IDE: variants seen among roughly 807,000 people sequenced by gnomAD.
The protein encoded by IDE is insulin degrading enzyme, also known as insulin-degrading enzyme.
IDE carries 58 observed loss-of-function variants against 133.2 expected under a neutral mutation model. That is an observed-to-expected ratio of 0.44 (90% CI 0.35 to 0.54). The LOEUF (loss-of-function observed/expected upper bound fraction) is 0.54. IDE is among the 20% of genes least tolerant of loss of function. IDE has a pLI of 0.00. For synonymous variants in IDE, 396 were observed against 421.3 expected (o/e 0.94, Z 0.73); for missense variants, 981 against 1,234.0 (o/e 0.79, Z 3.07).
chr10:92,529,465 T>C (rs1387551021), intron 4 of IDE, among the ~76,000 whole-genome samples: 2 of 152,246 alleles, frequency 1.3e-5, no homozygotes, highest in African/African-American at 4.8e-5. Flanking sequence ...CTTTGCTAAC[T>C]GCCTAGCTTT....
chr10:92,564,671 CAAAAAAAAAAAAAAAAAAAAAAAAAA>C, intron 1 of IDE, among the ~76,000 whole-genome samples: 1 of 31,586 alleles, frequency 3.2e-5, no homozygotes, highest in South Asian at 9.9e-4. Flanking sequence ...GAGACTGTCT[CAAAAAAAAAAAAAAAAAAAAAAAAAA>C]AAAAAAAAAA....
At chr10:92,530,359 A>G (rs1849858585) in intron 4 of IDE, among the ~76,000 whole-genome samples, 2 of 152,004 alleles carry the variant, frequency 1.3e-5, no homozygotes, top group Admixed American at 1.3e-4. Context: ...CAGTGACTCA[A>G]TTGTGGCTCA....
intron 1 of IDE, among the ~76,000 whole-genome samples, chr10:92,573,657 C>T (rs745963977): frequency 1.7e-4 from 26 of 152,222 alleles, no homozygotes; most frequent in Non-Finnish European, 3.1e-4. Context: ...GCACACGCCC[C>T]GTGGCCCCGG....
intron 11 of IDE, among the ~76,000 whole-genome samples, chr10:92,494,129 A>G (rs1222314940): frequency 6.6e-6 from 1 of 152,022 alleles, no homozygotes; most frequent in African/African-American, 2.4e-5. Context: ...TGGTGTGATC[A>G]TACCTTACTG....
chr10:92,512,559 TAAA>T (rs11373926), intron 5 of IDE, among the ~76,000 whole-genome samples: 5 of 140,100 alleles, frequency 3.6e-5, no homozygotes, highest in African/African-American at 5.2e-5. Context: ...CAACATAGAT[TAAA>T]AAAAAAAAAA....
chr10:92,466,640 C>T (rs1180757823), intron 19 of IDE, among the ~76,000 whole-genome samples: 5 of 139,516 alleles, frequency 3.6e-5, no homozygotes, highest in East Asian at 2.1e-4. Flanking sequence ...TTTTTTGAGA[C>T]GGAGTCTGGC....
At chr10:92,568,898 A>G (rs1843669967) in intron 1 of IDE, among the ~76,000 whole-genome samples, 1 of 152,126 alleles carries the variant, frequency 6.6e-6, no homozygotes, top group Non-Finnish European at 1.5e-5. Flanking sequence ...GAGCACAGAC[A>G]GGTTCAAAGT....
chr10:92,484,178 C>T (rs780268779), intron 13 of IDE, among the ~76,000 whole-genome samples: 6 of 152,066 alleles, frequency 3.9e-5, no homozygotes, highest in Non-Finnish European at 8.8e-5. Context: ...TTTGGGATGC[C>T]GAGGTGGGTG....
rs1341598873 is a variant in IDE, at chr10:92,491,240, T to C, written c.1431-645A>G. Among the ~76,000 whole-genome samples the C allele has an allele frequency of 8.6e-5, 12 of 139,096 alleles. No individual in the cohort carries two copies. The South Asian group carries it at 2.5e-3, about 29-fold the overall frequency. The allele number at this position is 139,096 out of a possible 152,430, so 91.3% of individuals were successfully genotyped here. On this transcript the variant is annotated intron_variant, in intron 11 of 24. Coordinates refer to ENST00000265986, the MANE Select transcript of IDE (RefSeq NM_004969.4). ...GTGACAAATCAAAACCTTGTCTCTT[T>C]AAAAAAAAAAAAACCAAAAAGGCAA...
In IDE at chr10:92,524,363, T is replaced by TAATATATAATATATATTATATTATA. The variant is rs57975380; in HGVS notation, c.661+7384_661+7385insTATAATATAATATATATTATATATT. On this transcript the variant is annotated intron_variant, in intron 4 of 24. Transcript: ENST00000265986. ...TATATTATATATAATATATTTTATA[T>TAATATATAATATATATTATATTATA]TATAATATATATTATATATAATATA... Among the ~76,000 whole-genome samples, 23 of 9,666 alleles carry TAATATATAATATATATTATATTATA rather than the reference T, an allele frequency of 2.4e-3. 6 individuals carry two copies. Among genetic ancestry groups the TAATATATAATATATATTATATTATA allele is most frequent in the African/African-American group, 7.7e-3 (23 of 2,992 alleles). The allele number at this position is 9,666 out of a possible 152,430, so 6.3% of individuals were successfully genotyped here.
rs542525124 is a variant in IDE at position 92,510,679 on chromosome 10, GATAT to G, written c.785-521_785-518del. 5.7e-3 allele frequency among the ~76,000 whole-genome samples: 857 copies of G among 150,492 alleles called. 9 individuals carry two copies. Among genetic ancestry groups the G allele is most frequent in the African/African-American group, 0.019 (797 of 40,944 alleles). On this transcript the variant is annotated intron_variant, in intron 5 of 24. Transcript: ENST00000265986. ...TATATCACATACATCTCACATATAT[GATAT>G]ATATCACATACATCTCACATATATG...
In IDE at chr10:92,531,131, C is replaced by T. The variant is rs189801844; in HGVS notation, c.661+617G>A. On this transcript the variant is annotated intron_variant, in intron 4 of 24. Transcript: ENST00000265986. The stretch of plus-strand genomic sequence containing the variant: ...CTTTGTGTTTCTGCTTTTATTTTTA[C>T]TCTAAATGCTTTTGTACTGTTTAAA... Among the ~76,000 whole-genome samples, 596 of 152,200 alleles carry T rather than the reference C, an allele frequency of 3.9e-3. 4 individuals are homozygous for T. The highest frequency in any genetic ancestry group is 0.014 in the African/African-American group (561 of 41,516).
chr10:92,529,386 A>G (rs985162251), intron 4 of IDE, among the ~76,000 whole-genome samples: 1 of 152,194 alleles, frequency 6.6e-6, no homozygotes, highest in Non-Finnish European at 1.5e-5. Context: ...TGCATTACTT[A>G]TATCACATTT....
At chr10:92,569,696 A>C (rs1843700772) in intron 1 of IDE, among the ~76,000 whole-genome samples, 1 of 152,192 alleles carries the variant, frequency 6.6e-6, no homozygotes, top group African/African-American at 2.4e-5. Flanking sequence ...TACAGAAAAA[A>C]ATTGTTTTGA....
intron 1 of IDE, among the ~76,000 whole-genome samples, chr10:92,568,686 C>T (rs1319938424): frequency 2.6e-5 from 4 of 151,838 alleles, no homozygotes; most frequent in Admixed American, 6.6e-5. Context: ...CGTGGTGGCA[C>T]GCGCCTGTAG....
Position 92,537,538 on chromosome 10 carries a change from C to CT in IDE, c.110dup (p.Thr38AspfsTer7), listed in dbSNP as rs1307048524. 2 of 1,589,472 alleles carry CT rather than the reference C, an allele frequency of 1.3e-6. No individual in the cohort carries two copies. Among genetic ancestry groups the CT allele is most frequent in the South Asian group, 1.2e-5 (1 of 86,234 alleles). Reference sequence around the variant, plus strand: ...CTGGATTATTCATTTTGCTGTAAGTCTTTTTTTGGAAACTGAAAAGAAAGA... The same window carrying CT: ...CTGGATTATTCATTTTGCTGTAAGTCTTTTTTTTGGAAACTGAAAAGAAAGA... On this transcript the variant is annotated frameshift_variant, in exon 2 of 25. Transcript: ENST00000265986. LOFTEE classifies it high-confidence loss of function.
intron 11 of IDE, among the ~76,000 whole-genome samples, chr10:92,503,466 G>A (rs1970244): frequency 0.017 from 2,599 of 152,190 alleles, 89 homozygotes; most frequent in African/African-American, 0.059. Context: ...CCTAGCATGA[G>A]GTCAGGTAAA....
intron 1 of IDE, among the ~76,000 whole-genome samples, chr10:92,549,384 A>C (rs1842679430): frequency 6.6e-6 from 1 of 152,226 alleles, no homozygotes; most frequent in Non-Finnish European, 1.5e-5. Flanking sequence ...TATCCACTTA[A>C]ATCCAAGAGA....
chr10:92,542,457 T>C (rs1265510598), intron 1 of IDE, among the ~76,000 whole-genome samples: 1 of 152,152 alleles, frequency 6.6e-6, no homozygotes, highest in African/African-American at 2.4e-5. Flanking sequence ...GCCTAGTCTC[T>C]AGGTAATTTT....
Sources: gnomAD v4.1 joint callset for allele counts (sites outside exome capture counted in the v4.1 genomes callset) on GRCh38, gnomAD v4.1.1 for gene constraint, MANE v1.5 for transcripts, NCBI Gene and HGNC (gene_info 2026-07-23, HGNC 2026-07-21) for gene names.